SLC30A8: variants seen among roughly 807,000 people sequenced by gnomAD.
SLC30A8 encodes the protein proton-coupled zinc antiporter SLC30A8.
SLC30A8 carries 27 observed loss-of-function variants against 36.9 expected under a neutral mutation model. The ratio of observed to expected loss-of-function variants is 0.73; its 90% confidence interval spans 0.54 to 1.01. The LOEUF (loss-of-function observed/expected upper bound fraction) is 1.01, where lower values mean the gene tolerates loss of function less well. Among genes scored for constraint, SLC30A8 ranks in the 50% least tolerant of loss-of-function variants. The pLI is 0.00. For missense variants in SLC30A8, 439 were observed against 452.0 expected (o/e 0.97, Z 0.26); for synonymous variants, 164 against 172.4 (o/e 0.95, Z 0.38).
intron 2 of SLC30A8, among the ~76,000 whole-genome samples, chr8:117,147,946 T>G (rs1821977239): frequency 6.6e-6 from 1 of 152,148 alleles, no homozygotes; most frequent in African/African-American, 2.4e-5. Flanking sequence ...TCTTAATGTC[T>G]GTTACTCATT....
chr8:117,131,090 T>TA (rs1031388261), upstream of SLC30A8, among the ~76,000 whole-genome samples: 16 of 151,702 alleles, frequency 1.1e-4, no homozygotes, highest in African/African-American at 2.9e-4. Flanking sequence ...ATAGAAATAG[T>TA]AAAAAAAATT....
chr8:116,975,097 G>A (rs1048187473), intron 1 of SLC30A8, among the ~76,000 whole-genome samples: 4 of 151,742 alleles, frequency 2.6e-5, no homozygotes, highest in African/African-American at 9.7e-5. Context: ...CTAATGACGA[G>A]TTACTGGGTG....
chr8:117,104,020 C>T (rs1348423893), intron 2 of SLC30A8, among the ~76,000 whole-genome samples: 1 of 152,108 alleles, frequency 6.6e-6, no homozygotes, highest in Non-Finnish European at 1.5e-5. Flanking sequence ...AAAGTTTCTC[C>T]ACACATTCCT....
At chr8:117,161,117 A>G (rs935316132) in intron 4 of SLC30A8, among the ~76,000 whole-genome samples, 1 of 152,224 alleles carries the variant, frequency 6.6e-6, no homozygotes, top group African/African-American at 2.4e-5. Context: ...ATGTATGTAC[A>G]CATACAAGAT....
At chr8:117,021,825 CAGAAT>C (rs1816704255) in intron 1 of SLC30A8, among the ~76,000 whole-genome samples, 1 of 151,966 alleles carries the variant, frequency 6.6e-6, no homozygotes, top group Non-Finnish European at 1.5e-5. Flanking sequence ...ATCAACAGAA[CAGAAT>C]AGGAGAGCCC....
At chr8:117,100,111 AAAT>A (rs2130854732) in intron 2 of SLC30A8, among the ~76,000 whole-genome samples, 1 of 152,286 alleles carries the variant, frequency 6.6e-6, no homozygotes, top group South Asian at 2.1e-4. Flanking sequence ...TATAAATAGA[AAAT>A]AATAACAATT....
At chr8:117,153,736 G>A (rs542514515) in intron 3 of SLC30A8, among the ~76,000 whole-genome samples, 2 of 151,892 alleles carry the variant, frequency 1.3e-5, no homozygotes, top group Admixed American at 1.3e-4. Context: ...GTGTGTGTGT[G>A]TGTGTGTGTG....
At chr8:117,092,577 G>A (rs1819178944) in intron 2 of SLC30A8, among the ~76,000 whole-genome samples, 1 of 152,174 alleles carries the variant, frequency 6.6e-6, no homozygotes, top group East Asian at 1.9e-4. Context: ...AAGATTTCCT[G>A]AGTGCCCACT....
At chr8:117,140,818 T>C (rs979268310) in intron 1 of SLC30A8, among the ~76,000 whole-genome samples, 1 of 152,020 alleles carries the variant, frequency 6.6e-6, no homozygotes, top group Non-Finnish European at 1.5e-5. Flanking sequence ...TAAAAAATAA[T>C]AGCACCAATA....
At chr8:117,020,746 G>A (rs1168731737) in intron 1 of SLC30A8, among the ~76,000 whole-genome samples, 2 of 152,062 alleles carry the variant, frequency 1.3e-5, no homozygotes, top group African/African-American at 4.8e-5. Flanking sequence ...GTATTGTATT[G>A]TAAGAAAAGC....
chr8:117,000,855 TG>T, intron 1 of SLC30A8, among the ~76,000 whole-genome samples: 1 of 152,174 alleles, frequency 6.6e-6, no homozygotes, highest in Non-Finnish European at 1.5e-5. Flanking sequence ...TCATTTAAAA[TG>T]GAAATGATAA....
At chr8:117,170,995 G>A (rs761213992) in intron 6 of SLC30A8, 39 bp from the exon 7 acceptor site, 2 of 1,532,764 alleles carry the variant, frequency 1.3e-6, no homozygotes, top group South Asian at 1.3e-5. Flanking sequence ...GCTGTATCTA[G>A]TTGAATAACT....
upstream of SLC30A8, chr8:117,130,403 T>C (rs1440355528): frequency 6.6e-6 from 1 of 151,994 alleles, no homozygotes; most frequent in African/African-American, 2.4e-5. Context: ...GGGAATGCTC[T>C]GTGAAAATCC....
chr8:117,095,453 G>GTT (rs34612160), intron 2 of SLC30A8, among the ~76,000 whole-genome samples: 5 of 150,270 alleles, frequency 3.3e-5, no homozygotes, highest in Non-Finnish European at 7.4e-5. Context: ...TGAGGACAGG[G>GTT]TTTTTTTTTG....
chr8:117,019,798 G>A (rs1351443859), intron 1 of SLC30A8, among the ~76,000 whole-genome samples: 1 of 152,200 alleles, frequency 6.6e-6, no homozygotes, highest in Non-Finnish European at 1.5e-5. Context: ...AGGCATTGAG[G>A]AGCAGTGATA....
intron 2 of SLC30A8, among the ~76,000 whole-genome samples, chr8:117,122,035 C>T (rs1003752029): frequency 2.0e-5 from 3 of 151,802 alleles, no homozygotes; most frequent in Non-Finnish European, 4.4e-5. Flanking sequence ...CTATGATATG[C>T]GGAATTTAAC....
chr8:117,020,892 C>G (rs115007703), intron 1 of SLC30A8, among the ~76,000 whole-genome samples: 1 of 151,918 alleles, frequency 6.6e-6, no homozygotes, highest in South Asian at 2.1e-4. Context: ...GAATAATAAG[C>G]GATAGACTTA....
intron 1 of SLC30A8, among the ~76,000 whole-genome samples, chr8:116,969,334 C>T (rs1211586775): frequency 6.6e-6 from 1 of 152,164 alleles, no homozygotes; most frequent in African/African-American, 2.4e-5. Flanking sequence ...AGGAGAATCA[C>T]TTGAACCCGG....
intron 2 of SLC30A8, among the ~76,000 whole-genome samples, chr8:117,148,226 A>C (rs369628920): frequency 5.3e-5 from 8 of 152,164 alleles, no homozygotes; most frequent in African/African-American, 1.9e-4. Context: ...TTTGTTGTTT[A>C]ATTTTTGCAT....
Sources: allele counts gnomAD v4.1 joint callset (sites outside exome capture counted in the v4.1 genomes callset), GRCh38; gene constraint gnomAD v4.1.1; transcripts MANE v1.5; gene names NCBI Gene and HGNC (gene_info 2026-07-23, HGNC 2026-07-21).